Variants in PRKCE observed in about 807,000 individuals in gnomAD.
PRKCE encodes the protein protein kinase C epsilon type.
A neutral mutation model predicts 85.4 loss-of-function variants in PRKCE; 16 were observed. That is an observed-to-expected ratio of 0.19 (90% confidence interval 0.13 to 0.28). The LOEUF is 0.28. Ranked by LOEUF, PRKCE falls within the 10% of genes least tolerant of loss-of-function variation. The pLI, the probability that PRKCE is intolerant of heterozygous loss-of-function variation, is 1.00. For synonymous variants in PRKCE, 388 were observed against 371.5 expected, an observed-to-expected ratio of 1.04 and a Z score of -0.51; for missense variants, 573 against 975.2, an observed-to-expected ratio of 0.59 and a Z score of 5.49.
intron 1 of PRKCE, among the ~76,000 whole-genome samples, chr2:45,826,097 G>A (rs562849930): frequency 6.6e-6 from 1 of 152,280 alleles, no homozygotes; most frequent in African/African-American, 2.4e-5. Flanking sequence ...ACCCAGGGCA[G>A]TAGAAGTCAG....
chr2:46,044,109 C>G (rs917990057), intron 10 of PRKCE, among the ~76,000 whole-genome samples: 1 of 152,196 alleles, frequency 6.6e-6, no homozygotes, highest in African/African-American at 2.4e-5. Flanking sequence ...CAATTCAATT[C>G]TGTATTGTAA....
chr2:46,026,330 C>A (rs957278394), intron 10 of PRKCE, among the ~76,000 whole-genome samples: 15 of 152,132 alleles, frequency 9.9e-5, no homozygotes, highest in African/African-American at 3.4e-4. Context: ...TAGAATGGGA[C>A]ATTTAGACTT....
chr2:46,168,982 G>C (rs993500236), intron 14 of PRKCE, among the ~76,000 whole-genome samples: 2 of 152,164 alleles, frequency 1.3e-5, no homozygotes, highest in Non-Finnish European at 2.9e-5. Context: ...AGCCTGGTTC[G>C]TGTGTATTGA....
At chr2:45,873,981 A>G (rs1694285247) in intron 2 of PRKCE, among the ~76,000 whole-genome samples, 1 of 152,254 alleles carries the variant, frequency 6.6e-6, no homozygotes, top group Non-Finnish European at 1.5e-5. Context: ...GATCTTGGAC[A>G]GACGCCATTT....
chr2:45,682,210 T>G (rs1370838839), intron 1 of PRKCE, among the ~76,000 whole-genome samples: 1 of 152,186 alleles, frequency 6.6e-6, no homozygotes, highest in Non-Finnish European at 1.5e-5. Flanking sequence ...ATAATATGAT[T>G]TCTTATTCTT....
chr2:45,767,601 C>T (rs1283443397), intron 1 of PRKCE, among the ~76,000 whole-genome samples: 1 of 152,206 alleles, frequency 6.6e-6, no homozygotes, highest in East Asian at 1.9e-4. Flanking sequence ...CACACTCAAT[C>T]TCCGGGGGCA....
chr2:45,730,630 T>A (rs6544849), intron 1 of PRKCE, among the ~76,000 whole-genome samples: 45,469 of 151,452 alleles, frequency 0.3, 6,996 homozygotes, highest in East Asian at 0.36. Context: ...TGGCTAATTT[T>A]TGTATTTTTA....
chr2:46,159,510 C>A lies in PRKCE; in HGVS notation c.1921-96C>A, dbSNP rs1364085808. 2.3e-5 allele frequency: 31 copies of A among 1,331,716 alleles called. No individual in the cohort carries two copies. The highest frequency in any genetic ancestry group is 2.6e-5 in the Admixed American group (1 of 37,838). 82.5% of individuals were successfully genotyped at this position (1,331,716 alleles called of 1,614,324 possible). Reference sequence around the variant, plus strand: ...CAAAGAACAGACTTGGGAGGCGATGCTGAAGATGCTGCTTTGGCTGACCTC... The same window carrying A: ...CAAAGAACAGACTTGGGAGGCGATGATGAAGATGCTGCTTTGGCTGACCTC... On this transcript the variant is annotated intron_variant, in intron 13 of 14. Coordinates refer to ENST00000306156, the MANE Select transcript of PRKCE (RefSeq NM_005400.3). The surrounding 1 kb of genome is among the most constrained non-coding windows in gnomAD (Gnocchi z 4.1).
At chr2:45,679,269 A>G in intron 1 of PRKCE, among the ~76,000 whole-genome samples, 1 of 152,178 alleles carries the variant, frequency 6.6e-6, no homozygotes, top group East Asian at 1.9e-4. Flanking sequence ...CATATACTCA[A>G]AAGAATACAC....
chr2:46,172,111 A>G (rs112371819), intron 14 of PRKCE, among the ~76,000 whole-genome samples: 2 of 152,200 alleles, frequency 1.3e-5, no homozygotes, highest in African/African-American at 4.8e-5. Context: ...TCAACGGTGG[A>G]GAGAATGGCT....
chr2:45,757,724 G>C (rs1684126747), intron 1 of PRKCE, among the ~76,000 whole-genome samples: 1 of 152,116 alleles, frequency 6.6e-6, no homozygotes, highest in Admixed American at 6.6e-5. Context: ...ATGCAAGTCA[G>C]TTAAACAAGC....
At chr2:45,663,294 C>T (rs1388552076) in intron 1 of PRKCE, among the ~76,000 whole-genome samples, 1 of 152,158 alleles carries the variant, frequency 6.6e-6, no homozygotes, top group Non-Finnish European at 1.5e-5. Flanking sequence ...AATGGATATT[C>T]TCAAGTGGGC....
intron 1 of PRKCE, among the ~76,000 whole-genome samples, chr2:45,739,615 A>G (rs1682378853): frequency 1.3e-5 from 2 of 152,150 alleles, no homozygotes; most frequent in Non-Finnish European, 2.9e-5. Flanking sequence ...TATATACTGT[A>G]TTATCTCATG....
chr2:46,135,272 A>C (rs1289309293), intron 11 of PRKCE, among the ~76,000 whole-genome samples: 1 of 152,140 alleles, frequency 6.6e-6, no homozygotes, highest in African/African-American at 2.4e-5. Flanking sequence ...AACAACTACA[A>C]CTGTGTTCTC....
chr2:46,000,835 G>C, intron 6 of PRKCE: 1 of 152,218 alleles, frequency 6.6e-6, no homozygotes. Flanking sequence ...TATTCGCCTG[G>C]TTGGCTGTCT....
At chr2:46,162,302 CCT>C (rs1221622461) in intron 14 of PRKCE, among the ~76,000 whole-genome samples, 1 of 152,084 alleles carries the variant, frequency 6.6e-6, no homozygotes, top group Non-Finnish European at 1.5e-5. Flanking sequence ...CCAGAAAGAC[CCT>C]GTTTGCTTTC....
intron 2 of PRKCE, among the ~76,000 whole-genome samples, chr2:45,928,317 G>C (rs1449393210): frequency 6.6e-6 from 1 of 152,176 alleles, no homozygotes; most frequent in Admixed American, 6.5e-5. Flanking sequence ...CCCCAGGCTG[G>C]AGTGCAGTGG....
intron 2 of PRKCE, among the ~76,000 whole-genome samples, chr2:45,903,991 A>G (rs905554076): frequency 3.3e-5 from 5 of 150,816 alleles, no homozygotes; most frequent in Admixed American, 2.0e-4. Flanking sequence ...GCAACCTCCC[A>G]TTGCTGAGTT....
At chr2:45,845,060 A>C (rs1031790218) in intron 2 of PRKCE, among the ~76,000 whole-genome samples, 1 of 145,296 alleles carries the variant, frequency 6.9e-6, no homozygotes, top group African/African-American at 2.5e-5. Context: ...ACATTTTTCT[A>C]CTTTTTTTTT....
Sources: allele counts gnomAD v4.1 joint callset (sites outside exome capture counted in the v4.1 genomes callset), GRCh38; gene constraint gnomAD v4.1.1; non-coding constraint Gnocchi (gnomAD v3.1); transcripts MANE v1.5; gene names NCBI Gene and HGNC (gene_info 2026-07-23, HGNC 2026-07-21).